The following HLF variants were observed in gnomAD, a reference collection of about 807,000 sequenced individuals.
The protein encoded by HLF is hepatic leukemia factor.
Under a neutral mutation model 22.6 loss-of-function variants are expected in HLF, and 3 were observed. The observed-to-expected ratio is 0.13, with a 90% CI of 0.06 to 0.34. The LOEUF (loss-of-function observed/expected upper bound fraction) is 0.34, where lower values mean the gene tolerates loss of function less well. HLF is among the 10% of genes least tolerant of loss of function. The probability of loss-of-function intolerance (pLI) is 1.00; values close to 1 mark genes in which losing one functional copy is unlikely to be tolerated. For missense variants in HLF, 299 were observed against 389.2 expected (o/e 0.77, Z 1.95); for synonymous variants, 151 against 151.8 (o/e 0.99, Z 0.04).
chr17:55,322,827 G>A lies in HLF; in HGVS notation c.*1948G>A. On this transcript the variant is annotated 3_prime_UTR_variant, in exon 4 of 4. Transcript: ENST00000226067. ...TACCCTGCGGGCCCGCACGTTTTATGAGGTTGATATCGGTGCTATGTGTTT... is the reference window on the plus strand; with the variant it reads ...TACCCTGCGGGCCCGCACGTTTTATAAGGTTGATATCGGTGCTATGTGTTT... 2 of 228,926 alleles carry A rather than the reference G, an allele frequency of 8.7e-6. No homozygotes were observed. The highest frequency in any genetic ancestry group is 1.3e-3 in the Middle Eastern group (1 of 768). 14.2% of individuals were successfully genotyped at this position (228,926 alleles called of 1,614,324 possible).
At chr17:55,300,522 T>C (rs1291640611) in intron 2 of HLF, among the ~76,000 whole-genome samples, 1 of 152,194 alleles carries the variant, frequency 6.6e-6, no homozygotes, top group East Asian at 1.9e-4. Flanking sequence ...ACTCAATGGA[T>C]CCACAATGAG....
chr17:55,303,916 T>G (rs1016582245), intron 2 of HLF, among the ~76,000 whole-genome samples: 2 of 152,218 alleles, frequency 1.3e-5, no homozygotes, highest in African/African-American at 4.8e-5. Flanking sequence ...AGAGGGAGTT[T>G]TAGTGTTTCC....
rs2080777174 is a variant in HLF, at chr17:55,265,334, G to T, written c.-151G>T. 1.7e-6 allele frequency: 1 copy of T among 601,544 alleles called. No individual in the cohort carries two copies. Among genetic ancestry groups the T allele is most frequent in the Non-Finnish European group, 2.9e-6 (1 of 341,798 alleles). 37.3% of individuals were successfully genotyped at this position (601,544 alleles called of 1,614,324 possible). On this transcript the variant is annotated 5_prime_UTR_variant, in exon 1 of 4. Transcript: ENST00000226067. ...ATTTTTATGCAGATGTATTTATAAA[G>T]ATATAAGTAATTTTTTTCTTCCCTT...
intron 2 of HLF, among the ~76,000 whole-genome samples, chr17:55,304,795 C>T (rs565954522): frequency 3.3e-5 from 5 of 152,286 alleles, no homozygotes; most frequent in East Asian, 3.9e-4. Flanking sequence ...TCCCATTCAG[C>T]GCCCTGAGGT....
At chr17:55,317,434 T>G (rs2145374582) in intron 3 of HLF, among the ~76,000 whole-genome samples, 1 of 152,278 alleles carries the variant, frequency 6.6e-6, no homozygotes, top group South Asian at 2.1e-4. Context: ...AGAGCAAGAT[T>G]AGTTAATAAC....
intron 2 of HLF, among the ~76,000 whole-genome samples, chr17:55,281,444 C>T (rs933393434): frequency 3.9e-5 from 6 of 152,120 alleles, no homozygotes; most frequent in East Asian, 1.9e-4. Flanking sequence ...ACCCGGGAGG[C>T]GGAGATTGCA....
chr17:55,315,285 G>T lies in HLF; in HGVS notation c.510G>T (p.Gln170His). The T allele has an allele frequency of 6.2e-7, 1 of 1,614,160 alleles. No individual in the cohort carries two copies. The highest frequency in any genetic ancestry group is 8.5e-7 in the Non-Finnish European group (1 of 1,180,004). ...TPSPIDPDTIQVPVGYEPDPA... is the reference protein window; with the variant it reads ...TPSPIDPDTIHVPVGYEPDPA... ...GTCCCATTGATCCTGACACCATCCA[G>T]GTCCCAGTGGGTTATGAGCCAGACC... Residue 170 changes from glutamine to histidine, a missense_variant, in exon 3 of 4, where the codon CAG becomes CAT. Gln to His is a conservative substitution (Grantham distance 24, BLOSUM62 0). Transcript: ENST00000226067.
At chr17:55,309,890 C>T (rs1003985273) in intron 2 of HLF, among the ~76,000 whole-genome samples, 5 of 152,204 alleles carry the variant, frequency 3.3e-5, no homozygotes, top group Admixed American at 6.5e-5. Context: ...TTGATGCAGA[C>T]ATCAATTTAA....
chr17:55,313,188 A>AAAT (rs1055048697), intron 2 of HLF, among the ~76,000 whole-genome samples: 1 of 152,216 alleles, frequency 6.6e-6, no homozygotes. Flanking sequence ...TGTTATTGTT[A>AAAT]GAATGTCCAT....
At chr17:55,265,669 G>A (rs775154042) in intron 1 of HLF, 70 bp downstream of exon 1, 249 of 1,203,588 alleles carry the variant, frequency 2.1e-4, no homozygotes, top group Non-Finnish European at 2.8e-4. Flanking sequence ...GGCCGGGCAC[G>A]CCCGCTGGAG....
At chr17:55,316,320 A>T (rs1905063197) in intron 3 of HLF, among the ~76,000 whole-genome samples, 1 of 152,246 alleles carries the variant, frequency 6.6e-6, no homozygotes, top group Non-Finnish European at 1.5e-5. Context: ...AGGCATAATT[A>T]GCCCTTTTCT....
intron 3 of HLF, among the ~76,000 whole-genome samples, chr17:55,315,847 A>G (rs1905045057): frequency 6.6e-6 from 1 of 152,248 alleles, no homozygotes; most frequent in Non-Finnish European, 1.5e-5. Flanking sequence ...CCTTCCTTTT[A>G]GAAAATTTTT....
intron 2 of HLF, chr17:55,272,358 T>C (rs555130284): frequency 2.0e-5 from 3 of 152,376 alleles, no homozygotes; most frequent in East Asian, 1.9e-4. Context: ...TATTACATGC[T>C]TGTAAAGCCA....
intron 2 of HLF, among the ~76,000 whole-genome samples, chr17:55,293,317 A>G (rs978702976): frequency 1.3e-5 from 2 of 152,176 alleles, no homozygotes; most frequent in African/African-American, 4.8e-5. Flanking sequence ...TGGAACGACC[A>G]TTACATGTGG....
intron 2 of HLF, among the ~76,000 whole-genome samples, chr17:55,277,235 ATGTGTATGTG>A (rs1170388200): frequency 4.7e-4 from 9 of 19,120 alleles, no homozygotes; most frequent in Admixed American, 1.4e-3. Context: ...ACCAGATGTT[ATGTGTATGTG>A]TGTGTGTGTG....
chr17:55,273,346 A>T (rs2080875005), intron 2 of HLF, among the ~76,000 whole-genome samples: 1 of 152,228 alleles, frequency 6.6e-6, no homozygotes, highest in Non-Finnish European at 1.5e-5. Flanking sequence ...TACTGGGTGC[A>T]TTCAGCTGTT....
At chr17:55,266,470 T>C (rs1442457538) in intron 1 of HLF, among the ~76,000 whole-genome samples, 2 of 152,236 alleles carry the variant, frequency 1.3e-5, no homozygotes, top group Admixed American at 1.3e-4. Context: ...ACCGTGCGGC[T>C]CACAGTGTAA....
chr17:55,299,801 A>AC, intron 2 of HLF, among the ~76,000 whole-genome samples: 1 of 151,234 alleles, frequency 6.6e-6, no homozygotes, highest in Non-Finnish European at 1.5e-5. Flanking sequence ...CTGGTTTTGA[A>AC]CTCCCAGTCA....
chr17:55,320,620 A>G lies in HLF; in HGVS notation c.673-44A>G. 1.3e-6 allele frequency: 2 copies of G among 1,586,492 alleles called. No individual in the cohort carries two copies. The highest frequency in any genetic ancestry group is 1.7e-6 in the Non-Finnish European group (2 of 1,158,450). The stretch of plus-strand genomic sequence containing the variant: ...CTGGCTGGCACTGGGCTTTGCTGAA[A>G]TCTAATATCTTGTTTCTTTTTCCCT... On this transcript the variant is annotated intron_variant, in intron 3 of 3. Coordinates refer to ENST00000226067, the MANE Select transcript of HLF (RefSeq NM_002126.5). The surrounding 1 kb of genome is among the most constrained non-coding windows in gnomAD (Gnocchi z 4.2).
Sources: allele counts gnomAD v4.1 joint callset (sites outside exome capture counted in the v4.1 genomes callset), GRCh38; gene constraint gnomAD v4.1.1; non-coding constraint Gnocchi (gnomAD v3.1); transcripts MANE v1.5; gene names NCBI Gene and HGNC (gene_info 2026-07-23, HGNC 2026-07-21).